Variants in UNC5D observed in about 807,000 individuals in gnomAD.
UNC5D encodes the protein netrin receptor UNC5D.
Under a neutral mutation model 105.4 loss-of-function variants are expected in UNC5D, and 39 were observed. The observed-to-expected ratio is 0.37, with a 90% confidence interval of 0.29 to 0.48. The LOEUF (loss-of-function observed/expected upper bound fraction) is 0.48, where lower values mean the gene tolerates loss of function less well. Among genes scored for constraint, UNC5D ranks in the 20% least tolerant of loss-of-function variants. The pLI is 0.98. For missense variants in UNC5D, 991 were observed against 1,202.4 expected (o/e 0.82, Z 2.60); for synonymous variants, 452 against 450.4 (o/e 1.00, Z -0.04).
At chr8:35,262,336 G>A (rs1194979972) in intron 1 of UNC5D, among the ~76,000 whole-genome samples, 2 of 152,052 alleles carry the variant, frequency 1.3e-5, no homozygotes, top group East Asian at 1.9e-4. Flanking sequence ...AGTTATGGTC[G>A]GCCGAATAGA....
At chr8:35,651,482 C>T (rs1266713331) in intron 4 of UNC5D, among the ~76,000 whole-genome samples, 1 of 152,138 alleles carries the variant, frequency 6.6e-6, no homozygotes, top group Non-Finnish European at 1.5e-5. Flanking sequence ...GAATGGGTGG[C>T]CTGAGCCAGA....
rs555081230 is a variant in UNC5D, at chr8:35,246,217, C to T, written c.103+10330C>T. ...TGATGCCGCCCTTTGTTTTCTGTAC[C>T]GTTTATTCACATTATTTTTTTATCA... On this transcript the variant is annotated intron_variant, in intron 1 of 16. Transcript: ENST00000404895. Among the ~76,000 whole-genome samples, 11 of 152,178 alleles carry T rather than the reference C, an allele frequency of 7.2e-5. No homozygotes were observed. The East Asian group carries it at 1.9e-3, about 27-fold the overall frequency.
intron 1 of UNC5D, among the ~76,000 whole-genome samples, chr8:35,382,113 G>A (rs1257031925): frequency 6.6e-6 from 1 of 152,150 alleles, no homozygotes; most frequent in African/African-American, 2.4e-5. Flanking sequence ...TAAGTAACAA[G>A]TGCCTGAAAA....
In UNC5D at chr8:35,451,377, T is replaced by A. The variant is rs144999309; in HGVS notation, c.104-97915T>A. 2.7e-3 allele frequency among the ~76,000 whole-genome samples: 412 copies of A among 152,232 alleles called. 2 individuals are homozygous for A. Among genetic ancestry groups the A allele is most frequent in the African/African-American group, 9.1e-3 (379 of 41,544 alleles). On this transcript the variant is annotated intron_variant, in intron 1 of 16. Transcript: ENST00000404895. ...TAACCTTTTATAAGAGTTGACTGGG[T>A]GGCAAGTGAACACTTCATCTAATTA...
At chr8:35,708,160 C>CAGAT (rs1309577157) in intron 8 of UNC5D, among the ~76,000 whole-genome samples, 86 of 152,264 alleles carry the variant, frequency 5.6e-4, no homozygotes, top group African/African-American at 2.0e-3. Flanking sequence ...TAAGGCCTGG[C>CAGAT]AGATAGAAAA....
intron 1 of UNC5D, among the ~76,000 whole-genome samples, chr8:35,274,950 G>T (rs561330114): frequency 1.3e-5 from 2 of 151,972 alleles, no homozygotes; most frequent in East Asian, 1.9e-4. Context: ...AATTGGCTGG[G>T]CGTAGTGGCA....
At chr8:35,423,444 A>G (rs905661959) in intron 1 of UNC5D, among the ~76,000 whole-genome samples, 1 of 152,224 alleles carries the variant, frequency 6.6e-6, no homozygotes, top group African/African-American at 2.4e-5. Flanking sequence ...TTTTACACAC[A>G]TAAGCCCTGG....
intron 12 of UNC5D, 100 bp downstream of exon 12, chr8:35,748,795 G>A: frequency 1.4e-6 from 2 of 1,380,562 alleles, no homozygotes; most frequent in Non-Finnish European, 2.0e-6. Flanking sequence ...GCATTTCGTT[G>A]TTGGCAAAGG....
intron 1 of UNC5D, among the ~76,000 whole-genome samples, chr8:35,490,671 C>G (rs1330125029): frequency 6.6e-6 from 1 of 152,092 alleles, no homozygotes; most frequent in East Asian, 1.9e-4. Context: ...TTAGATTGGT[C>G]TGTCAGGTAC....
intron 16 of UNC5D, among the ~76,000 whole-genome samples, chr8:35,778,443 T>G (rs1238776707): frequency 6.6e-6 from 1 of 152,206 alleles, no homozygotes; most frequent in Non-Finnish European, 1.5e-5. Flanking sequence ...CTCTTATGAG[T>G]CCAAATAATG....
chr8:35,467,259 G>T (rs1409853258), intron 1 of UNC5D, among the ~76,000 whole-genome samples: 1 of 152,050 alleles, frequency 6.6e-6, no homozygotes, highest in Non-Finnish European at 1.5e-5. Context: ...AATTTCTAAT[G>T]TCCTTTCCTG....
chr8:35,401,968 A>G (rs1804495753), intron 1 of UNC5D, among the ~76,000 whole-genome samples: 1 of 152,156 alleles, frequency 6.6e-6, no homozygotes. Context: ...TGTTGTAAAT[A>G]ATGGATTGAG....
chr8:35,612,723 C>CTTTTTTTTT (rs57450378), intron 4 of UNC5D, among the ~76,000 whole-genome samples: 49 of 64,748 alleles, frequency 7.6e-4, no homozygotes, highest in East Asian at 1.1e-3. Context: ...AATGTTTTGC[C>CTTTTTTTTT]TTTTTTTTTT....
At chr8:35,292,906 T>C (rs1807185529) in intron 1 of UNC5D, among the ~76,000 whole-genome samples, 1 of 151,792 alleles carries the variant, frequency 6.6e-6, no homozygotes, top group Non-Finnish European at 1.5e-5. Context: ...GCCAGGGTGG[T>C]CTTGAACTCC....
chr8:35,656,548 GTTC>G (rs1415992718), intron 4 of UNC5D, among the ~76,000 whole-genome samples: 6 of 152,130 alleles, frequency 3.9e-5, no homozygotes, highest in South Asian at 2.1e-4. Context: ...TATCTTTCCT[GTTC>G]TTCTTCCTCC....
At chr8:35,367,714 G>A (rs997798579) in intron 1 of UNC5D, among the ~76,000 whole-genome samples, 1 of 151,462 alleles carries the variant, frequency 6.6e-6, no homozygotes, top group Non-Finnish European at 1.5e-5. Context: ...CAGGCAAGAG[G>A]AGTGAATTTA....
At chr8:35,473,763 T>C (rs1358966586) in intron 1 of UNC5D, among the ~76,000 whole-genome samples, 3 of 152,190 alleles carry the variant, frequency 2.0e-5, no homozygotes, top group East Asian at 1.9e-4. Context: ...TTTTTGGCTA[T>C]TTATGGGGTG....
At chr8:35,628,107 CTTTA>C (rs539768361) in intron 4 of UNC5D, among the ~76,000 whole-genome samples, 8 of 150,560 alleles carry the variant, frequency 5.3e-5, no homozygotes, top group African/African-American at 1.2e-4. Flanking sequence ...TAAGAAAGCT[CTTTA>C]TTTATTTATT....
At chr8:35,557,741 G>A (rs1816654152) in intron 2 of UNC5D, among the ~76,000 whole-genome samples, 1 of 151,984 alleles carries the variant, frequency 6.6e-6, no homozygotes, top group South Asian at 2.1e-4. Flanking sequence ...GTCATAGGTA[G>A]AATGGCACCC....
Sources: allele counts gnomAD v4.1 joint callset (sites outside exome capture counted in the v4.1 genomes callset), GRCh38; gene constraint gnomAD v4.1.1; transcripts MANE v1.5; gene names NCBI Gene and HGNC (gene_info 2026-07-23, HGNC 2026-07-21).